The following ALDH1A2 variants were observed in gnomAD, a reference collection of about 807,000 sequenced individuals.
The protein encoded by ALDH1A2 is retinal dehydrogenase 2.
In ALDH1A2, 27 loss-of-function variants were observed where a neutral mutation model predicts 60.3. The observed-to-expected ratio is 0.45, with a 90% CI of 0.33 to 0.62. ALDH1A2 has a LOEUF of 0.62. Among genes scored for constraint, ALDH1A2 ranks in the 20% least tolerant of loss-of-function variants. ALDH1A2 has a pLI of 0.02. For synonymous variants in ALDH1A2, 289 were observed against 232.4 expected, an observed-to-expected ratio of 1.24 and a Z score of -2.21; for missense variants, 581 against 643.8, an observed-to-expected ratio of 0.90 and a Z score of 1.06.
chr15:57,978,312 C>T (rs996396745), intron 7 of ALDH1A2, among the ~76,000 whole-genome samples: 7 of 152,130 alleles, frequency 4.6e-5, no homozygotes, highest in South Asian at 2.1e-4. Flanking sequence ...CCATTCAGTA[C>T]GATGTTGCCT....
intron 1 of ALDH1A2, among the ~76,000 whole-genome samples, chr15:58,015,081 T>C (rs1279446775): frequency 6.6e-6 from 1 of 152,170 alleles, no homozygotes; most frequent in Non-Finnish European, 1.5e-5. Flanking sequence ...TAAATTCTTA[T>C]TGAGTGAGAA....
rs566970271 is a variant in ALDH1A2 at position 57,989,562 on chromosome 15, A to AAAT, written c.798+3140_798+3142dup. Among the ~76,000 whole-genome samples the AAAT allele has an allele frequency of 5.6e-4, 85 of 152,332 alleles. No homozygotes were observed. In the Middle Eastern group the frequency reaches 0.017, roughly 30 times the overall value. ...TCTGGTACTAGTGAAAGAACAGAAA[A>AAAT]AATTATGAGCTCTAAAACAGAAATT... is the stretch of plus-strand genomic sequence containing the variant. On this transcript the variant is annotated intron_variant, in intron 7 of 12. Transcript: ENST00000249750.
intron 4 of ALDH1A2, among the ~76,000 whole-genome samples, chr15:58,004,008 G>C (rs1192839282): frequency 6.6e-5 from 10 of 151,598 alleles, no homozygotes; most frequent in African/African-American, 2.4e-4. Context: ...TTGCATAATT[G>C]TGCAATAACA....
At chr15:58,059,707 T>C (rs1234097523) in intron 1 of ALDH1A2, among the ~76,000 whole-genome samples, 3 of 152,206 alleles carry the variant, frequency 2.0e-5, no homozygotes, top group Admixed American at 2.0e-4. Flanking sequence ...ATTAAAATAC[T>C]GTCAGAGAAA....
At chr15:58,054,114 G>GT (rs1365916259) in intron 1 of ALDH1A2, among the ~76,000 whole-genome samples, 1 of 152,072 alleles carries the variant, frequency 6.6e-6, no homozygotes, top group Non-Finnish European at 1.5e-5. Context: ...AACTACAAAG[G>GT]TTCCCAGGCA....
Position 57,955,096 on chromosome 15 carries a change from A to C in ALDH1A2, c.*101T>G. 1 of 1,243,310 alleles carries C rather than the reference A, an allele frequency of 8.0e-7. No homozygotes were observed. The highest frequency in any genetic ancestry group is 1.2e-6 in the Non-Finnish European group (1 of 841,676). The allele number at this position is 1,243,310 out of a possible 1,614,324, so 77.0% of individuals were successfully genotyped here. A position where few individuals can be genotyped will look rare whatever the true frequency, so the allele number is the denominator to read the frequency against. ...ATGTTATCTTTTCAATCTTTAAGTA[A>C]GGACCGTGGCTCAACTTTGTATTCC... On this transcript the variant is annotated 3_prime_UTR_variant, in exon 13 of 13. Coordinates refer to ENST00000249750, the MANE Select transcript of ALDH1A2 (RefSeq NM_003888.4).
intron 7 of ALDH1A2, among the ~76,000 whole-genome samples, chr15:57,971,307 C>T (rs928250347): frequency 6.6e-6 from 1 of 152,200 alleles, no homozygotes; most frequent in African/African-American, 2.4e-5. Flanking sequence ...CTTCCCTACC[C>T]TCCCTACAGG....
At chr15:57,986,160 G>A (rs1388017795) in intron 7 of ALDH1A2, among the ~76,000 whole-genome samples, 2 of 152,184 alleles carry the variant, frequency 1.3e-5, no homozygotes, top group Non-Finnish European at 2.9e-5. Flanking sequence ...AACTAGAAAA[G>A]TATATGAAAT....
chr15:57,962,000 C>T lies in ALDH1A2; in HGVS notation c.1251+12G>A, dbSNP rs372728705. 1.1e-5 allele frequency: 18 copies of T among 1,613,972 alleles called. No individual in the cohort carries two copies. The African/African-American group carries it at 2.4e-4, about 22-fold the overall frequency. On this transcript the variant is annotated intron_variant, in intron 10 of 12. Coordinates refer to ENST00000249750, the MANE Select transcript of ALDH1A2 (RefSeq NM_003888.4). ...AAAGATGTGGCTTTTGTAAGAACAG[C>T]ATATTTGATACCTCCTCCTTGGCAA...
chr15:57,996,500 C>T (rs1434891922), intron 4 of ALDH1A2, among the ~76,000 whole-genome samples: 7 of 149,304 alleles, frequency 4.7e-5, no homozygotes, highest in Non-Finnish European at 7.4e-5. Flanking sequence ...TTTGTTTTTC[C>T]CTCTTTTTTT....
intron 1 of ALDH1A2, among the ~76,000 whole-genome samples, chr15:58,030,263 G>A (rs897474594): frequency 5.9e-5 from 9 of 151,936 alleles, no homozygotes; most frequent in African/African-American, 9.7e-5. Flanking sequence ...ATAATCCATC[G>A]CATAAACAGA....
At chr15:57,985,258 TG>T (rs1370729955) in intron 7 of ALDH1A2, among the ~76,000 whole-genome samples, 2 of 152,186 alleles carry the variant, frequency 1.3e-5, no homozygotes, top group African/African-American at 4.8e-5. Flanking sequence ...TGCTTCGAGT[TG>T]TTGACTAACA....
At position 58,014,937 on chromosome 15, in the gene ALDH1A2, G is replaced by GT. The variant is rs1244576486; in HGVS notation, c.118-657dup. 2.6e-5 allele frequency among the ~76,000 whole-genome samples: 4 copies of GT among 152,272 alleles called. No homozygotes were observed. In the East Asian group the frequency reaches 7.7e-4, roughly 29 times the overall value. On this transcript the variant is annotated intron_variant, in intron 1 of 12. Coordinates refer to ENST00000249750, the MANE Select transcript of ALDH1A2 (RefSeq NM_003888.4). ...ACCCCAGGATTTCTTAAAAGGCTTG[G>GT]TCTCCCTATGTATGAAATTGAGATT...
At chr15:57,994,701 T>G (rs1420861527) in intron 5 of ALDH1A2, among the ~76,000 whole-genome samples, 3 of 152,126 alleles carry the variant, frequency 2.0e-5, no homozygotes, top group Non-Finnish European at 2.9e-5. Flanking sequence ...GATTAAAAGA[T>G]CATATAAAAT....
At chr15:58,031,492 A>G (rs1896239020) in intron 1 of ALDH1A2, among the ~76,000 whole-genome samples, 1 of 152,214 alleles carries the variant, frequency 6.6e-6, no homozygotes, top group African/African-American at 2.4e-5. Flanking sequence ...AGCAATGGCA[A>G]CAAAAGCCAA....
At chr15:57,965,273 G>A (rs1272929018) in intron 8 of ALDH1A2, among the ~76,000 whole-genome samples, 1 of 152,200 alleles carries the variant, frequency 6.6e-6, no homozygotes, top group Non-Finnish European at 1.5e-5. Context: ...AAAGGGGCTG[G>A]AATTGACTAA....
At chr15:58,040,343 G>C (rs12595180) in intron 1 of ALDH1A2, among the ~76,000 whole-genome samples, 72,666 of 151,720 alleles carry the variant, frequency 0.48, 17,844 homozygotes, top group Non-Finnish European at 0.54. Context: ...CCAACTATAC[G>C]ATGAATCATA....
chr15:57,979,434 C>T (rs560255997), intron 7 of ALDH1A2, among the ~76,000 whole-genome samples: 36 of 152,292 alleles, frequency 2.4e-4, no homozygotes, highest in Non-Finnish European at 3.7e-4. Flanking sequence ...CTCTTCTCCC[C>T]GGCACAGCTC....
At chr15:58,046,582 C>G (rs1281328915) in intron 1 of ALDH1A2, among the ~76,000 whole-genome samples, 12 of 151,952 alleles carry the variant, frequency 7.9e-5, no homozygotes, top group Non-Finnish European at 1.5e-5. Flanking sequence ...TTGTGTAAAT[C>G]CTGAGCAAGC....
Sources: allele counts gnomAD v4.1 joint callset (sites outside exome capture counted in the v4.1 genomes callset), GRCh38; gene constraint gnomAD v4.1.1; transcripts MANE v1.5; gene names NCBI Gene and HGNC (gene_info 2026-07-23, HGNC 2026-07-21).